Variants in OR3A2 observed in about 807,000 individuals in gnomAD.
OR3A2 encodes olfactory receptor 3A2.
For missense variants in OR3A2, 318 were observed against 392.8 expected (o/e 0.81, Z 1.61); for synonymous variants, 126 against 159.3 (o/e 0.79, Z 1.57).
chr17:3,380,408 G>T (rs1261160318), intron 2 of OR3A2, among the ~76,000 whole-genome samples: 1 of 152,106 alleles, frequency 6.6e-6, no homozygotes, highest in Admixed American at 6.6e-5. Flanking sequence ...CAGTTCTCCG[G>T]GTGCTGCTTT....
At chr17:3,278,807 G>C in exon 2 of OR3A2, 12 of 1,531,228 alleles carry the variant, frequency 7.8e-6, no homozygotes, top group Non-Finnish European at 1.1e-5. Flanking sequence ...TGACCAGATA[G>C]GCAAAGAGGA....
At chr17:3,305,879 T>C (rs2048996158) in intron 3 of OR3A2, among the ~76,000 whole-genome samples, 1 of 152,256 alleles carries the variant, frequency 6.6e-6, no homozygotes, top group Non-Finnish European at 1.5e-5. Flanking sequence ...CTTCCTTCTT[T>C]ATGAGCTGAT....
chr17:3,345,577 T>G (rs1019858046), intron 2 of OR3A2, among the ~76,000 whole-genome samples: 1 of 151,676 alleles, frequency 6.6e-6, no homozygotes, highest in East Asian at 1.9e-4. Flanking sequence ...ACAAAAACAG[T>G]TCTTGAAAAT....
intron 3 of OR3A2, among the ~76,000 whole-genome samples, chr17:3,301,096 G>A (rs992502646): frequency 1.3e-5 from 2 of 152,254 alleles, no homozygotes; most frequent in African/African-American, 4.8e-5. Context: ...TATCACTGAT[G>A]GACATTTGGG....
chr17:3,349,333 G>A (rs2049399088), intron 2 of OR3A2, among the ~76,000 whole-genome samples: 1 of 152,112 alleles, frequency 6.6e-6, no homozygotes, highest in South Asian at 2.1e-4. Flanking sequence ...AAGGATGGAG[G>A]AAGATGTACC....
At chr17:3,290,431 C>T (rs1365116292) in intron 3 of OR3A2, among the ~76,000 whole-genome samples, 1 of 152,174 alleles carries the variant, frequency 6.6e-6, no homozygotes, top group South Asian at 2.1e-4. Flanking sequence ...CATTTTCCTA[C>T]CAACTCTCCT....
At chr17:3,301,032 T>C (rs1360657722) in intron 3 of OR3A2, among the ~76,000 whole-genome samples, 6 of 152,214 alleles carry the variant, frequency 3.9e-5, no homozygotes, top group Non-Finnish European at 8.8e-5. Context: ...CATCCTTTTT[T>C]ATGGCTGCAT....
upstream of OR3A2, among the ~76,000 whole-genome samples, chr17:3,287,988 A>G (rs1332974846): frequency 2.0e-5 from 3 of 151,772 alleles, no homozygotes; most frequent in Non-Finnish European, 2.9e-5. Flanking sequence ...GAAATGTAAA[A>G]ATACTAGAAA....
At chr17:3,279,366 T>TA (rs2150615682) in intron 1 of OR3A2, among the ~76,000 whole-genome samples, 2 of 152,352 alleles carry the variant, frequency 1.3e-5, no homozygotes, top group South Asian at 4.1e-4. Flanking sequence ...AACTTTGTTT[T>TA]AAAAAACATA....
upstream of OR3A2, among the ~76,000 whole-genome samples, chr17:3,289,092 T>A (rs1325502518): frequency 6.7e-6 from 1 of 149,914 alleles, no homozygotes; most frequent in Non-Finnish European, 1.5e-5. Flanking sequence ...TGAATGTGGG[T>A]GTGTTTGTGT....
intron 3 of OR3A2, among the ~76,000 whole-genome samples, chr17:3,301,282 G>A (rs1014552289): frequency 2.0e-5 from 3 of 152,160 alleles, no homozygotes; most frequent in African/African-American, 7.2e-5. Flanking sequence ...CTTCCACAAT[G>A]GTTGAACTAG....
chr17:3,368,885 G>C (rs570406943), intron 2 of OR3A2, among the ~76,000 whole-genome samples: 2 of 152,062 alleles, frequency 1.3e-5, no homozygotes, highest in Non-Finnish European at 2.9e-5. Flanking sequence ...ATATGTTTCC[G>C]TTTCTTTGTG....
chr17:3,332,521 C>A (rs1264472340), intron 3 of OR3A2, among the ~76,000 whole-genome samples: 2 of 152,248 alleles, frequency 1.3e-5, no homozygotes, highest in East Asian at 1.9e-4. Context: ...TGACCCCTTG[C>A]ACTTCCCAAG....
intron 2 of OR3A2, among the ~76,000 whole-genome samples, chr17:3,345,420 AAG>A (rs776616904): frequency 1.2e-4 from 14 of 117,304 alleles, no homozygotes; most frequent in Admixed American, 4.9e-4. Context: ...AAAAAAAGGA[AAG>A]AGAGAGAGAG....
chr17:3,382,551 C>T (rs1114424), intron 2 of OR3A2, among the ~76,000 whole-genome samples: 25,160 of 152,192 alleles, frequency 0.17, 2,990 homozygotes, highest in African/African-American at 0.33. Context: ...GAAAACCCAA[C>T]ATTTCTCTGC....
chr17:3,367,525 C>T lies in OR3A2; in HGVS notation c.-179+16279G>A, dbSNP rs144820144. On this transcript the variant is annotated intron_variant, in intron 2 of 4. Transcript: ENST00000573491. ...ATGCTCTCCAACTCCATCCAGGTTGCTGCAAACGCCATTATTTCATTCCTT... is the reference window on the plus strand; with the variant it reads ...ATGCTCTCCAACTCCATCCAGGTTGTTGCAAACGCCATTATTTCATTCCTT... Among the ~76,000 whole-genome samples, 149 of 150,812 alleles carry T rather than the reference C, an allele frequency of 9.9e-4. 1 individual carries two copies. The Middle Eastern group carries it at 0.017, about 17-fold the overall frequency.
intron 2 of OR3A2, among the ~76,000 whole-genome samples, chr17:3,373,552 CTT>C (rs992020439): frequency 4.6e-5 from 7 of 152,178 alleles, no homozygotes; most frequent in South Asian, 2.1e-4. Flanking sequence ...TAATGTCTCT[CTT>C]TGTCTTTTTT....
intron 2 of OR3A2, among the ~76,000 whole-genome samples, chr17:3,347,448 T>A (rs1414262264): frequency 2.0e-5 from 3 of 152,066 alleles, no homozygotes; most frequent in Admixed American, 2.0e-4. Context: ...CCTGTGTCCA[T>A]GTGTTCTCAT....
chr17:3,305,347 T>C (rs2048991380), intron 3 of OR3A2, among the ~76,000 whole-genome samples: 2 of 152,146 alleles, frequency 1.3e-5, no homozygotes. Context: ...AACAAAGATA[T>C]AGGCAAGGAA....
Sources: allele counts gnomAD v4.1 joint callset (sites outside exome capture counted in the v4.1 genomes callset), GRCh38; gene constraint gnomAD v4.1.1; transcripts MANE v1.5; gene names NCBI Gene and HGNC (gene_info 2026-07-23, HGNC 2026-07-21).